TP53BP1: variants seen among roughly 807,000 people sequenced by gnomAD.
The protein encoded by TP53BP1 is tumor protein p53 binding protein 1, also known as TP53-binding protein 1.
A neutral mutation model predicts 200.8 loss-of-function variants in TP53BP1; 61 were observed. The observed-to-expected ratio is 0.30, with a 90% CI of 0.25 to 0.38. TP53BP1 has a LOEUF of 0.38. Among genes scored for constraint, TP53BP1 ranks in the 10% least tolerant of loss-of-function variants. The probability of loss-of-function intolerance (pLI) is 1.00; values close to 1 mark genes in which losing one functional copy is unlikely to be tolerated. For synonymous variants in TP53BP1, 822 were observed against 844.3 expected (o/e 0.97, Z 0.46); for missense variants, 2,144 against 2,371.9 (o/e 0.90, Z 2.00).
intron 1 of TP53BP1, among the ~76,000 whole-genome samples, chr15:43,503,966 T>C (rs1276578987): frequency 1.3e-5 from 2 of 152,146 alleles, no homozygotes; most frequent in African/African-American, 4.8e-5. Flanking sequence ...TATTAGTTAT[T>C]ACAGGTAATC....
At chr15:43,491,325 T>C (rs2079119633) in intron 4 of TP53BP1, among the ~76,000 whole-genome samples, 2 of 151,872 alleles carry the variant, frequency 1.3e-5, no homozygotes, top group Admixed American at 1.3e-4. Context: ...AAGTGATCCA[T>C]CCGCCTCAGC....
chr15:43,407,237 CATTT>C lies in TP53BP1; in HGVS notation c.*142_*145del, dbSNP rs1408210612. ...AGTTACTACAACCAAAGAGATTCAA[CATTT>C]ATTTTATCATAAAAGTTCAGCAAAT... On this transcript the variant is annotated 3_prime_UTR_variant, in exon 28 of 28. Transcript: ENST00000382044. 1.5e-6 allele frequency: 1 copy of C among 689,030 alleles called. No individual in the cohort carries two copies. The highest frequency in any genetic ancestry group is 1.8e-5 in the African/African-American group (1 of 55,448). The allele number at this position is 689,030 out of a possible 1,614,324, so 42.7% of individuals were successfully genotyped here.
rs1231213757 is a variant in TP53BP1 at position 43,428,157 on chromosome 15, C to T, written c.3687G>A (p.Glu1229=). 1 of 1,613,540 alleles carries T rather than the reference C, an allele frequency of 6.2e-7. No homozygotes were observed. Among genetic ancestry groups the T allele is most frequent in the Non-Finnish European group, 8.5e-7 (1 of 1,179,788 alleles). The change falls in exon 18 of 28, where the codon GAG becomes GAA. Residue 1229 remains glutamate, a synonymous_variant. Transcript: ENST00000382044. ...CATGTGGAGGCTGAGGCATATCAAA[C>T]TCTTCTTCTCCCTGTGACAGAAAAT... The part of the protein sequence containing the change: ...TESLHSQGEE[E]FDMPQPPHGH...
In TP53BP1 at chr15:43,428,141, G is replaced by A; in HGVS notation, c.3703C>T (p.Pro1235Ser). ...CGATGTAAGACATGGCCATGTGGAG[G>A]CTGAGGCATATCAAACTCTTCTTCT... is the stretch of plus-strand genomic sequence containing the variant. Reference protein sequence around the residue: ...QGEEEFDMPQPPHGHVLHRHM... With the variant: ...QGEEEFDMPQSPHGHVLHRHM... Residue 1235 changes from proline (P) to serine (S), a missense_variant, in exon 18 of 28, where the codon CCT (proline) becomes TCT (serine). Physicochemically the swap from Pro to Ser is moderately conservative, Grantham distance 74 (BLOSUM62 -1). Transcript: ENST00000382044. 2 of 1,613,896 alleles carry A rather than the reference G, an allele frequency of 1.2e-6. No individual in the cohort carries two copies. Among genetic ancestry groups the A allele is most frequent in the Non-Finnish European group, 1.7e-6 (2 of 1,179,854 alleles).
chr15:43,428,140 G>A lies in TP53BP1; in HGVS notation c.3704C>T (p.Pro1235Leu), dbSNP rs267604219. ...ACGATGTAAGACATGGCCATGTGGA[G>A]GCTGAGGCATATCAAACTCTTCTTC... The part of the protein sequence containing the change: ...QGEEEFDMPQ[P>L]PHGHVLHRHM... Residue 1235 changes from proline to leucine, a missense_variant, in exon 18 of 28, where the codon CCT (proline) becomes CTT (leucine). By Grantham distance (98) the Pro-to-Leu change is moderately conservative. This residue lies in a region of TP53BP1 where 1,700 missense variants were observed against 1,710.3 expected (regional missense o/e 0.99). Transcript: ENST00000382044. 3.7e-6 allele frequency: 6 copies of A among 1,613,854 alleles called. No individual in the cohort carries two copies. The African/African-American group carries it at 5.3e-5, about 14-fold the overall frequency.
At position 43,456,933 on chromosome 15, in the gene TP53BP1, CTG is replaced by C; in HGVS notation, c.1673_1674del (p.Pro558ArgfsTer5). ...TQIEDTEPMS[P>X]VLNSKFVPAE... ...GCAGGAACAAATTTAGAATTGAGAA[CTG>C]GAGACATGGGTTCCGTATCCTCAAT... is the stretch of plus-strand genomic sequence containing the variant. On this transcript the variant is annotated frameshift_variant, in exon 12 of 28. Coordinates refer to ENST00000382044, the MANE Select transcript of TP53BP1 (RefSeq NM_001141980.3). LOFTEE classifies it high-confidence loss of function. 6.2e-7 allele frequency: 1 copy of C among 1,614,142 alleles called. No individual in the cohort carries two copies. Among genetic ancestry groups the C allele is most frequent in the Non-Finnish European group, 8.5e-7 (1 of 1,180,034 alleles).
chr15:43,426,700 A>T (rs2045542801), intron 18 of TP53BP1, among the ~76,000 whole-genome samples: 1 of 151,870 alleles, frequency 6.6e-6, no homozygotes, highest in Non-Finnish European at 1.5e-5. Flanking sequence ...AAAGGAAAGT[A>T]TCTGGGTAAA....
rs1009539779 is a variant in TP53BP1, at chr15:43,405,668, T to A, written c.*1715A>T. ...CCAAGTAAGAAAGCAACAGGTAAGA[T>A]AGGCTTTCTCTCTCCCTATACCAAG... is the stretch of plus-strand genomic sequence containing the variant. On this transcript the variant is annotated 3_prime_UTR_variant, in exon 28 of 28. Transcript: ENST00000382044. 6.2e-6 allele frequency: 1 copy of A among 162,242 alleles called. No individual in the cohort carries two copies. Among genetic ancestry groups the A allele is most frequent in the African/African-American group, 2.4e-5 (1 of 41,614 alleles). 10.1% of individuals were successfully genotyped at this position (162,242 alleles called of 1,614,324 possible).
intron 9 of TP53BP1, among the ~76,000 whole-genome samples, chr15:43,475,204 A>G (rs2140108708): frequency 6.6e-6 from 1 of 152,370 alleles, no homozygotes; most frequent in Middle Eastern, 3.4e-3. Context: ...TTGCCCTAAC[A>G]TAAAGAAATC....
chr15:43,463,143 T>G (rs887434140), intron 11 of TP53BP1, among the ~76,000 whole-genome samples: 25 of 152,208 alleles, frequency 1.6e-4, no homozygotes, highest in African/African-American at 6.0e-4. Context: ...TATTCTAGTT[T>G]GAAAACATTT....
In TP53BP1 at chr15:43,454,397, CTT is replaced by C. The variant is rs372669845; in HGVS notation, c.2716+1493_2716+1494del. Among the ~76,000 whole-genome samples the C allele has an allele frequency of 1.3e-4, 20 of 150,798 alleles. No individual in the cohort carries two copies. The South Asian group carries it at 2.3e-3, about 17-fold the overall frequency. ...TTTTTTTTTGAGACAGAGTTTCACT[CTT>C]GTTGCCCAGGCTGTAGTGCAATGGC... On this transcript the variant is annotated intron_variant, in intron 12 of 27. Transcript: ENST00000382044.
In TP53BP1 at chr15:43,441,529, G is replaced by C; in HGVS notation, c.3095C>G (p.Ala1032Gly). 6.2e-7 allele frequency: 1 copy of C among 1,610,790 alleles called. No homozygotes were observed. Among genetic ancestry groups the C allele is most frequent in the South Asian group, 1.1e-5 (1 of 90,984 alleles). ...AATAGCATCCAGCTTTGGTTACCTG[G>C]CAACAGACTCAGCAACAGCAGTAGA... The part of the protein sequence containing the change: ...NGSTAVAESV[A>G]SPQKTMSVLS... The change falls in exon 15 of 28, where the codon GCC (alanine) becomes GGC (glycine). Residue 1032 changes from alanine to glycine, a missense_variant. Ala to Gly is a moderately conservative substitution (Grantham distance 60, BLOSUM62 0). This residue lies in a region of TP53BP1 where 1,700 missense variants were observed against 1,710.3 expected (regional missense o/e 0.99). Coordinates refer to ENST00000382044, the MANE Select transcript of TP53BP1 (RefSeq NM_001141980.3).
rs749034523 is a variant in TP53BP1 at position 43,420,585 on chromosome 15, A to G, written c.4401T>C (p.Ser1467=). Residue 1467 remains serine (S), a synonymous_variant, in exon 21 of 28, where the codon TCT becomes TCC. Transcript: ENST00000382044. The part of the protein sequence containing the change: ...VGAGALRRSD[S]PEIPFQAAAG... ...CAGCAGCCTGGAAAGGAATTTCTGGAGAGTCACTACGACGCAAAGCACCAG... is the reference window on the plus strand; with the variant it reads ...CAGCAGCCTGGAAAGGAATTTCTGGGGAGTCACTACGACGCAAAGCACCAG... 6.2e-7 allele frequency: 1 copy of G among 1,614,162 alleles called. No homozygotes were observed. Among genetic ancestry groups the G allele is most frequent in the South Asian group, 1.1e-5 (1 of 91,084 alleles).
At chr15:43,438,447 T>A in intron 15 of TP53BP1, 31 bp from the exon 16 acceptor site, 1 of 1,537,726 alleles carries the variant, frequency 6.5e-7, no homozygotes, top group Non-Finnish European at 8.9e-7. Flanking sequence ...AATATATTGT[T>A]AACTTTGAAA....
chr15:43,496,428 G>T (rs2140168654), upstream of TP53BP1, among the ~76,000 whole-genome samples: 1 of 152,128 alleles, frequency 6.6e-6, no homozygotes, highest in African/African-American at 2.4e-5. Flanking sequence ...GTATTTTTCT[G>T]AAGCCTCCTC....
intron 13 of TP53BP1, chr15:43,446,798 C>T (rs2046051992): frequency 1.3e-6 from 2 of 1,501,784 alleles, no homozygotes; most frequent in African/African-American, 1.4e-5. Context: ...GATTCAGTTC[C>T]ACTTCTGCAT....
Position 43,420,628 on chromosome 15 carries a change from C to T in TP53BP1, c.4358G>A (p.Arg1453Lys), listed in dbSNP as rs2045372428. The T allele has an allele frequency of 6.2e-7, 1 of 1,614,072 alleles. No individual in the cohort carries two copies. The highest frequency in any genetic ancestry group is 8.5e-7 in the Non-Finnish European group (1 of 1,180,042). Residue 1453 changes from arginine to lysine, a missense_variant, in exon 21 of 28, where the codon AGA (arginine) becomes AAA (lysine). Coordinates refer to ENST00000382044, the MANE Select transcript of TP53BP1 (RefSeq NM_001141980.3). ...RVVPRVPDST[R>K]RTDVGAGALR... ...AGCACCAGCACCCACATCTGTTCGTCTGGTGGAGTCTGGCACTCGGGGCAC... is the reference window on the plus strand; with the variant it reads ...AGCACCAGCACCCACATCTGTTCGTTTGGTGGAGTCTGGCACTCGGGGCAC...
At chr15:43,411,554 T>C (rs143283347) in intron 24 of TP53BP1, among the ~76,000 whole-genome samples, 3 of 152,388 alleles carry the variant, frequency 2.0e-5, no homozygotes, top group African/African-American at 7.2e-5. Flanking sequence ...TGTTTTAGTA[T>C]TAGATGTCTT....
Position 43,477,549 on chromosome 15 carries a change from T to C in TP53BP1, c.955+44A>G, listed in dbSNP as rs763710804. 5 of 1,542,194 alleles carry C rather than the reference T, an allele frequency of 3.2e-6. No homozygotes were observed. The South Asian group carries it at 6.4e-5, about 20-fold the overall frequency. ...TAGCCTCAGAACTAAAGTAAAAGTTTAGATCTTTGGAGAAGAGCTGTAACG... is the reference window on the plus strand; with the variant it reads ...TAGCCTCAGAACTAAAGTAAAAGTTCAGATCTTTGGAGAAGAGCTGTAACG... On this transcript the variant is annotated intron_variant, in intron 8 of 27. Coordinates refer to ENST00000382044, the MANE Select transcript of TP53BP1 (RefSeq NM_001141980.3).
Sources: gnomAD v4.1 joint callset for allele counts (sites outside exome capture counted in the v4.1 genomes callset) on GRCh38, gnomAD v4.1.1 for gene constraint, gnomAD v4.1.1 regional missense constraint, MANE v1.5 for transcripts, NCBI Gene and HGNC (gene_info 2026-07-23, HGNC 2026-07-21) for gene names.